STON2: variants seen among roughly 807,000 people sequenced by gnomAD.
STON2 encodes the protein stonin 2.
STON2 carries 29 observed loss-of-function variants against 65.7 expected under a neutral mutation model. The ratio of observed to expected loss-of-function variants is 0.44; its 90% confidence interval spans 0.33 to 0.60. The LOEUF is 0.60. Ranked by LOEUF, STON2 falls within the 20% of genes least tolerant of loss-of-function variation. The pLI is 0.03. For missense variants in STON2, 1,054 were observed against 1,118.1 expected (o/e 0.94, Z 0.82); for synonymous variants, 404 against 414.2 (o/e 0.98, Z 0.30).
At chr14:81,383,154 T>C (rs1312753778) in intron 3 of STON2, among the ~76,000 whole-genome samples, 1 of 152,314 alleles carries the variant, frequency 6.6e-6, no homozygotes, top group Admixed American at 6.5e-5. Flanking sequence ...CAATATCTGC[T>C]TCTTCTCCTT....
chr14:81,421,627 A>G (rs987491239), intron 2 of STON2, among the ~76,000 whole-genome samples: 1 of 152,140 alleles, frequency 6.6e-6, no homozygotes, highest in Non-Finnish European at 1.5e-5. Context: ...ACTCATTGAG[A>G]TTGTGGAAGT....
chr14:81,414,184 A>C (rs1901307404), intron 2 of STON2, among the ~76,000 whole-genome samples: 1 of 102,820 alleles, frequency 9.7e-6, no homozygotes, highest in African/African-American at 5.3e-5. Context: ...TTTGGGAGTA[A>C]AGTAAGCATT....
intron 1 of STON2, among the ~76,000 whole-genome samples, chr14:81,430,992 T>A (rs1425121767): frequency 6.6e-6 from 1 of 152,142 alleles, no homozygotes. Flanking sequence ...CCAGGTTTCC[T>A]GGAAACCTGA....
intron 4 of STON2, among the ~76,000 whole-genome samples, chr14:81,329,667 G>C (rs146210974): frequency 6.6e-6 from 1 of 152,128 alleles, no homozygotes; most frequent in Non-Finnish European, 1.5e-5. Context: ...CCAGTTTGCG[G>C]TAATTTGTGA....
chr14:81,270,808 G>C lies in STON2; in HGVS notation c.2646C>G (p.Ser882=), dbSNP rs1182906065. 6.2e-7 allele frequency: 1 copy of C among 1,614,066 alleles called. No homozygotes were observed. Among genetic ancestry groups the C allele is most frequent in the Non-Finnish European group, 8.5e-7 (1 of 1,180,024 alleles). ...LELGSDREVP[S]RFANHVNVEF... is the part of the protein sequence containing the mutation. The stretch of plus-strand genomic sequence containing the variant: ...CGACATTCACGTGATTGGCAAATCT[G>C]GAAGGCACTTCCCGGTCAGAGCCGA... The change falls in exon 7 of 8, where the codon TCC becomes TCG. Residue 882 remains serine, a synonymous_variant. Transcript: ENST00000614646.
At chr14:81,328,866 C>T (rs1897097340) in intron 4 of STON2, among the ~76,000 whole-genome samples, 1 of 152,288 alleles carries the variant, frequency 6.6e-6, no homozygotes, top group Non-Finnish European at 1.5e-5. Context: ...GCCAGCTTCC[C>T]TTGTGCTTCC....
chr14:81,364,103 G>T (rs1898615454), intron 4 of STON2, among the ~76,000 whole-genome samples: 1 of 152,144 alleles, frequency 6.6e-6, no homozygotes. Context: ...CACCCTTTGG[G>T]AAATGCTGGA....
At chr14:81,303,253 G>A (rs751956876) in intron 5 of STON2, among the ~76,000 whole-genome samples, 6 of 152,112 alleles carry the variant, frequency 3.9e-5, no homozygotes, top group Non-Finnish European at 1.5e-5. Context: ...CCTTCAATGT[G>A]TTATGTTGTT....
chr14:81,376,601 A>G (rs1899264090), intron 3 of STON2, among the ~76,000 whole-genome samples: 1 of 152,182 alleles, frequency 6.6e-6, no homozygotes, highest in Non-Finnish European at 1.5e-5. Context: ...ACAAGAAGAA[A>G]GGCCACTCAT....
chr14:81,308,395 A>C (rs1010472573), intron 5 of STON2, among the ~76,000 whole-genome samples: 5 of 152,026 alleles, frequency 3.3e-5, no homozygotes, highest in Non-Finnish European at 7.4e-5. Flanking sequence ...GTAGAGACGG[A>C]GTTTTGCCAT....
chr14:81,289,352 T>C (rs1171858760), intron 5 of STON2, among the ~76,000 whole-genome samples: 5 of 152,066 alleles, frequency 3.3e-5, no homozygotes, highest in Non-Finnish European at 5.9e-5. Context: ...ACCGTTGCAA[T>C]AGTTAGAAGA....
intron 3 of STON2, among the ~76,000 whole-genome samples, chr14:81,390,808 A>G (rs1900044737): frequency 1.3e-5 from 2 of 152,210 alleles, no homozygotes; most frequent in Non-Finnish European, 2.9e-5. Flanking sequence ...CCAGAGTCTG[A>G]GATGAGAATC....
chr14:81,395,872 C>G (rs368679695), intron 3 of STON2, 22 bp downstream of exon 3: 1 of 1,612,688 alleles, frequency 6.2e-7, no homozygotes, highest in Non-Finnish European at 8.5e-7. Flanking sequence ...AAACCCAAGC[C>G]GGGCCCTTCC....
At chr14:81,347,639 C>A (rs9635269) in intron 4 of STON2, among the ~76,000 whole-genome samples, 131,066 of 131,358 alleles carry the variant, frequency 1, 65,387 homozygotes, top group African/African-American at 1. Flanking sequence ...AAAAAAAAAC[C>A]CTACAGGCCA....
chr14:81,426,235 C>CACCTT (rs769177475), intron 2 of STON2, among the ~76,000 whole-genome samples: 2 of 152,198 alleles, frequency 1.3e-5, no homozygotes, highest in Admixed American at 6.5e-5. Context: ...TTAACTCAGG[C>CACCTT]ACCTAACCAT....
chr14:81,435,008 G>A (rs918100368), intron 1 of STON2, among the ~76,000 whole-genome samples: 23 of 151,838 alleles, frequency 1.5e-4, no homozygotes, highest in Admixed American at 7.9e-4. Context: ...TTCGTTTAAG[G>A]GAGGAGTAAA....
At chr14:81,292,252 G>A (rs1566892781) in intron 5 of STON2, among the ~76,000 whole-genome samples, 1 of 152,164 alleles carries the variant, frequency 6.6e-6, no homozygotes, top group Admixed American at 6.5e-5. Context: ...CAGGGCCAAG[G>A]ATCATGTTAT....
intron 5 of STON2, among the ~76,000 whole-genome samples, chr14:81,302,123 T>C (rs145610209): frequency 6.6e-6 from 1 of 152,222 alleles, no homozygotes; most frequent in Non-Finnish European, 1.5e-5. Flanking sequence ...GTAGCCACTC[T>C]GGACTGTGCC....
At chr14:81,381,773 T>A (rs756738674) in intron 3 of STON2, among the ~76,000 whole-genome samples, 4 of 152,200 alleles carry the variant, frequency 2.6e-5, no homozygotes, top group Non-Finnish European at 5.9e-5. Flanking sequence ...GTTATCTGAT[T>A]AAGCTGAATA....
Sources: allele counts gnomAD v4.1 joint callset (sites outside exome capture counted in the v4.1 genomes callset), GRCh38; gene constraint gnomAD v4.1.1; transcripts MANE v1.5; gene names NCBI Gene and HGNC (gene_info 2026-07-23, HGNC 2026-07-21).